Variants in CD74 observed in about 807,000 individuals in gnomAD.
The protein encoded by CD74 is CD74 molecule.
In CD74, 20 loss-of-function variants were observed where a neutral mutation model predicts 37.1. The ratio of observed to expected loss-of-function variants is 0.54; its 90% CI spans 0.38 to 0.78. CD74 has a LOEUF of 0.78. Ranked by LOEUF, CD74 falls within the 30% of genes least tolerant of loss-of-function variation. CD74 has a pLI of 0.00. For missense variants in CD74, 338 were observed against 389.5 expected (o/e 0.87, Z 1.11); for synonymous variants, 150 against 152.0 (o/e 0.99, Z 0.10).
Position 150,403,248 on chromosome 5 carries a change from G to A in CD74, c.690C>T (p.Pro230=), listed in dbSNP as rs1769749497. 6.2e-7 allele frequency: 1 copy of A among 1,613,894 alleles called. No individual in the cohort carries two copies. The highest frequency in any genetic ancestry group is 1.1e-5 in the South Asian group (1 of 91,090). The change falls in exon 7 of 9, where the codon CCC becomes CCT. Residue 230 remains proline (P), a synonymous_variant. Coordinates refer to ENST00000009530, the MANE Select transcript of CD74 (RefSeq NM_001025159.3). The surrounding 1 kb of genome is among the most constrained non-coding windows in gnomAD (Gnocchi z 4.5). ...IPAVHPGSFR[P]KCDENGNYLP... Reference sequence around the variant, plus strand: ...GATAGTTGCCGTTCTCGTCGCACTTGGGCCTGAATGAACCCGGGTGGACAG... The same window carrying A: ...GATAGTTGCCGTTCTCGTCGCACTTAGGCCTGAATGAACCCGGGTGGACAG...
At chr5:150,411,089 G>T (rs1385528160) in intron 1 of CD74, among the ~76,000 whole-genome samples, 1 of 152,210 alleles carries the variant, frequency 6.6e-6, no homozygotes, top group African/African-American at 2.4e-5. Flanking sequence ...TTACCAATAT[G>T]ACCTCAATTT....
At chr5:150,404,835 C>T (rs1581251111) in intron 5 of CD74, 68 bp from the exon 6 acceptor site, 1 of 1,136,454 alleles carries the variant, frequency 8.8e-7, no homozygotes, top group African/African-American at 1.5e-5. Flanking sequence ...CCTGGCTTTG[C>T]CCCTGGGGAC....
chr5:150,405,436 G>A (rs1769901061), intron 4 of CD74: 9 of 1,235,578 alleles, frequency 7.3e-6, no homozygotes, highest in Non-Finnish European at 8.1e-6. Flanking sequence ...ACAAGCCCCA[G>A]TGTCCTCCCT....
chr5:150,410,668 T>C (rs1304885439), intron 1 of CD74, among the ~76,000 whole-genome samples: 1 of 147,892 alleles, frequency 6.8e-6, no homozygotes, highest in Non-Finnish European at 1.5e-5. Flanking sequence ...TACACTACCT[T>C]CTTCTGCAAT....
At chr5:150,412,382 A>C (rs2151187134) in intron 1 of CD74, among the ~76,000 whole-genome samples, 1 of 152,352 alleles carries the variant, frequency 6.6e-6, no homozygotes, top group East Asian at 1.9e-4. Flanking sequence ...TTTCAGAAGG[A>C]GGCGGTGTGA....
Position 150,402,076 on chromosome 5 carries a change from C to G in CD74, c.*164G>C, listed in dbSNP as rs529495892. 4.5e-6 allele frequency: 7 copies of G among 1,540,982 alleles called. No individual in the cohort carries two copies. Among genetic ancestry groups the G allele is most frequent in the Admixed American group, 2.0e-5 (1 of 50,958 alleles). On this transcript the variant is annotated 3_prime_UTR_variant, in exon 9 of 9. Transcript: ENST00000009530. The surrounding 1 kb of genome is among the most constrained non-coding windows in gnomAD (Gnocchi z 4.2). ...CCTTGCTGCATTGTTATCTGCTGTT[C>G]CGACTTGGTTTGTCTTGTCCAAGGG...
chr5:150,412,702 G>T lies in CD74; in HGVS notation c.48C>A (p.Val16=). 1 of 1,614,094 alleles carries T rather than the reference G, an allele frequency of 6.2e-7. No homozygotes were observed. The highest frequency in any genetic ancestry group is 1.1e-5 in the South Asian group (1 of 91,048). The change falls in exon 1 of 9, where the codon GTC becomes GTA. Residue 16 remains valine (V), a synonymous_variant. Coordinates refer to ENST00000009530, the MANE Select transcript of CD74 (RefSeq NM_001025159.3). ...AGATAAGGTCGCGCTGGTCATCCAT[G>T]ACTGGCTTCTGATCTTCCCGACAGC... ...SRSCREDQKP[V]MDDQRDLISN...
intron 1 of CD74, among the ~76,000 whole-genome samples, chr5:150,408,308 G>A (rs900549910): frequency 6.6e-6 from 1 of 152,130 alleles, no homozygotes; most frequent in Non-Finnish European, 1.5e-5. Context: ...CTTGGACAAT[G>A]TCAGGCTGAA....
chr5:150,404,567 G>A (rs1769834994), intron 6 of CD74, 113 bp downstream of exon 6: 3 of 639,636 alleles, frequency 4.7e-6, no homozygotes, highest in Non-Finnish European at 8.5e-6. Flanking sequence ...TGAGAGGATG[G>A]GAGATTCCGC....
Position 150,403,152 on chromosome 5 carries a change from G to A in CD74, c.786C>T (p.Asn262=), listed in dbSNP as rs2151169713. The A allele has an allele frequency of 6.2e-7, 1 of 1,614,028 alleles. No homozygotes were observed. Among genetic ancestry groups the A allele is most frequent in the Non-Finnish European group, 8.5e-7 (1 of 1,179,886 alleles). Reference sequence around the variant, plus strand: ...AGTTATGGTGCCCGCGGCTTCTGGTGTTGGGGACCTCCGTGCCGTTGGGGA... The same window carrying A: ...AGTTATGGTGCCCGCGGCTTCTGGTATTGGGGACCTCCGTGCCGTTGGGGA... ...CVFPNGTEVP[N]TRSRGHHNCS... The change falls in exon 7 of 9, where the codon AAC becomes AAT. Residue 262 remains asparagine (N), a synonymous_variant. Coordinates refer to ENST00000009530, the MANE Select transcript of CD74 (RefSeq NM_001025159.3). The surrounding 1 kb of genome is among the most constrained non-coding windows in gnomAD (Gnocchi z 4.5).
At chr5:150,405,529 C>T (rs867901722) in intron 4 of CD74, 2 of 667,522 alleles carry the variant, frequency 3.0e-6, no homozygotes, top group African/African-American at 1.9e-5. Context: ...AGGTTGAGTC[C>T]TCTGCCTCTT....
At chr5:150,409,280 A>C (rs1770190886) in intron 1 of CD74, among the ~76,000 whole-genome samples, 1 of 151,638 alleles carries the variant, frequency 6.6e-6, no homozygotes, top group Non-Finnish European at 1.5e-5. Context: ...TAATCCCAGC[A>C]CTTTAGGAAG....
At chr5:150,405,725 G>C (rs1769919125) in intron 4 of CD74, 1 of 158,222 alleles carries the variant, frequency 6.3e-6, no homozygotes, top group East Asian at 1.8e-4. Context: ...AGGGTGTCTT[G>C]AGCAAGTCAC....
In CD74 at chr5:150,412,681, A is replaced by G. The variant is rs1287559676; in HGVS notation, c.69T>C (p.Leu23=). ...TGGGCAGTTGCTCATTGTTGGAGAT[A>G]AGGTCGCGCTGGTCATCCATGACTG... ...QKPVMDDQRD[L]ISNNEQLPML... is the part of the protein sequence containing the mutation. The change falls in exon 1 of 9, where the codon CTT becomes CTC. Residue 23 remains leucine, a synonymous_variant. Coordinates refer to ENST00000009530, the MANE Select transcript of CD74 (RefSeq NM_001025159.3). 5 of 1,613,876 alleles carry G rather than the reference A, an allele frequency of 3.1e-6. No individual in the cohort carries two copies. In the Admixed American group the frequency reaches 8.3e-5, roughly 27 times the overall value.
chr5:150,401,709 A>T lies in CD74; in HGVS notation c.*531T>A, dbSNP rs1769616581. On this transcript the variant is annotated 3_prime_UTR_variant, in exon 9 of 9. Transcript: ENST00000009530. ...GCTGATAACAAGCTTGGCTGAGCAG[A>T]GGGAACTAGGGGTCGGCAGAAAGGA... The T allele has an allele frequency of 1.8e-5, 10 of 566,780 alleles. No individual in the cohort carries two copies. In the South Asian group the frequency reaches 2.2e-4, roughly 12 times the overall value. The allele number at this position is 566,780 out of a possible 1,614,324, so 35.1% of individuals were successfully genotyped here. A position where few individuals can be genotyped will look rare whatever the true frequency, so the allele number is the denominator to read the frequency against.
chr5:150,402,388 A>G lies in CD74; in HGVS notation c.881-138T>C, dbSNP rs200669624. ...CTGCTCAGGTCCAATAATGACCATCATGGATTTGTGTAACTCCCCACAGCC... is the reference window on the plus strand; with the variant it reads ...CTGCTCAGGTCCAATAATGACCATCGTGGATTTGTGTAACTCCCCACAGCC... On this transcript the variant is annotated intron_variant, in intron 8 of 8. Transcript: ENST00000009530. This position sits in a 1 kb window ranked among gnomAD's most constrained non-coding sequence, Gnocchi z 4.2. The G allele has an allele frequency of 3.4e-6, 3 of 881,670 alleles. No homozygotes were observed. In the East Asian group the frequency reaches 7.3e-5, roughly 21 times the overall value. 54.6% of individuals were successfully genotyped at this position (881,670 alleles called of 1,614,324 possible). A position where few individuals can be genotyped will look rare whatever the true frequency, so the allele number is the denominator to read the frequency against.
chr5:150,401,755 CTCT>C lies in CD74; in HGVS notation c.*482_*484del. Reference sequence around the variant, plus strand: ...AAGGATTATGGGTGGAAAACATTGGCTCTTCCTTGGGGAGTGATGCTGGGGAAA... The same window carrying C: ...AAGGATTATGGGTGGAAAACATTGGCTCCTTGGGGAGTGATGCTGGGGAAA... On this transcript the variant is annotated 3_prime_UTR_variant, in exon 9 of 9. Transcript: ENST00000009530. The C allele has an allele frequency of 1.7e-6, 1 of 598,058 alleles. No individual in the cohort carries two copies. The highest frequency in any genetic ancestry group is 3.0e-6 in the Non-Finnish European group (1 of 335,438). 37.0% of individuals were successfully genotyped at this position (598,058 alleles called of 1,614,324 possible). A position where few individuals can be genotyped will look rare whatever the true frequency, so the allele number is the denominator to read the frequency against.
At chr5:150,411,833 C>G (rs2151186425) in intron 1 of CD74, among the ~76,000 whole-genome samples, 1 of 152,362 alleles carries the variant, frequency 6.6e-6, no homozygotes, top group Non-Finnish European at 1.5e-5. Context: ...ACACCTGCAA[C>G]TATCATTCCC....
In CD74 at chr5:150,407,528, C is replaced by T. The variant is rs1017856014; in HGVS notation, c.126-204G>A. Among the ~76,000 whole-genome samples, 8 of 152,146 alleles carry T rather than the reference C, an allele frequency of 5.3e-5. No homozygotes were observed. Among genetic ancestry groups the T allele is most frequent in the African/African-American group, 1.7e-4 (7 of 41,422 alleles). On this transcript the variant is annotated intron_variant, in intron 1 of 8. Transcript: ENST00000009530. The surrounding 1 kb of genome is among the most constrained non-coding windows in gnomAD (Gnocchi z 4.4). ...TCACCCCACCCCTCCTTCCAACCAT[C>T]GATGTGCCTGAAGTCTTCCCTGGCA... is the stretch of plus-strand genomic sequence containing the variant.
Sources: allele counts gnomAD v4.1 joint callset (sites outside exome capture counted in the v4.1 genomes callset), GRCh38; gene constraint gnomAD v4.1.1; non-coding constraint Gnocchi (gnomAD v3.1); transcripts MANE v1.5; gene names NCBI Gene and HGNC (gene_info 2026-07-23, HGNC 2026-07-21).